Variants in LDLRAP1 observed in about 807,000 individuals in gnomAD.
The protein encoded by LDLRAP1 is low density lipoprotein receptor adapter protein 1.
Under a neutral mutation model 37.8 loss-of-function variants are expected in LDLRAP1, and 30 were observed. The ratio of observed to expected loss-of-function variants is 0.79; its 90% CI spans 0.59 to 1.08. The LOEUF (loss-of-function observed/expected upper bound fraction) is 1.08. Among genes scored for constraint, LDLRAP1 ranks in the 50% least tolerant of loss-of-function variants. LDLRAP1 has a pLI of 0.00. For synonymous variants in LDLRAP1, 156 were observed against 169.8 expected (o/e 0.92, Z 0.63); for missense variants, 375 against 401.6 (o/e 0.93, Z 0.57).
chr1:25,569,434 G>A (rs1451454162), downstream of LDLRAP1, among the ~76,000 whole-genome samples: 1 of 152,126 alleles, frequency 6.6e-6, no homozygotes, highest in Non-Finnish European at 1.5e-5. Flanking sequence ...TGTCTTGAGA[G>A]ACTCAGGGTC....
At chr1:25,569,068 G>C (rs918144330), downstream of LDLRAP1, among the ~76,000 whole-genome samples, 6 of 152,116 alleles carry the variant, frequency 3.9e-5, no homozygotes, top group African/African-American at 1.4e-4. Flanking sequence ...TCACCCAGCA[G>C]CTGGGTGTGT....
intron 1 of LDLRAP1, among the ~76,000 whole-genome samples, chr1:25,546,832 A>ATT (rs112728847): frequency 0.21 from 32,524 of 151,386 alleles, 8,417 homozygotes; most frequent in African/African-American, 0.62. Context: ...TTTTTTTGTG[A>ATT]TTTTTTTTTA....
chr1:25,563,979 C>T, intron 7 of LDLRAP1, 188 bp downstream of exon 7: 1 of 715,654 alleles, frequency 1.4e-6, no homozygotes, highest in Admixed American at 2.2e-5. Flanking sequence ...GAGGCTGCAT[C>T]CCCAACAGGC....
At chr1:25,587,647 G>T in the LDLRAP1 span, among the ~76,000 whole-genome samples, 1 of 152,346 alleles carries the variant, frequency 6.6e-6, no homozygotes, top group African/African-American at 2.4e-5. Context: ...TCACCGAGCG[G>T]AGCTGTGGAA....
chr1:25,575,449 G>A, the LDLRAP1 span, among the ~76,000 whole-genome samples: 1 of 125,664 alleles, frequency 8.0e-6, no homozygotes, highest in African/African-American at 3.1e-5. Context: ...AAAAAAACCA[G>A]CTGTGCATGG....
At chr1:25,563,987 G>C in intron 7 of LDLRAP1, 196 bp downstream of exon 7, 1 of 691,656 alleles carries the variant, frequency 1.4e-6, no homozygotes, top group South Asian at 1.7e-5. Flanking sequence ...ATCCCCAACA[G>C]GCTTGGCTCC....
At position 25,555,366 on chromosome 1, in the gene LDLRAP1, C is replaced by A. The variant is rs1184220210; in HGVS notation, c.344+394C>A. Among the ~76,000 whole-genome samples, 1 of 152,206 alleles carries A rather than the reference C, an allele frequency of 6.6e-6. No homozygotes were observed. The highest frequency in any genetic ancestry group is 1.9e-4 in the East Asian group (1 of 5,196). ...GCTCAGCTCTGGGTATCTGGCCAGACATTCCAGGGAGGCCTCAGCCAAGGT... is the reference window on the plus strand; with the variant it reads ...GCTCAGCTCTGGGTATCTGGCCAGAAATTCCAGGGAGGCCTCAGCCAAGGT... On this transcript the variant is annotated intron_variant, in intron 3 of 8. Coordinates refer to ENST00000374338, the MANE Select transcript of LDLRAP1 (RefSeq NM_015627.3). This position sits in a 1 kb window ranked among gnomAD's most constrained non-coding sequence, Gnocchi z 4.7.
intron 1 of LDLRAP1, among the ~76,000 whole-genome samples, chr1:25,552,396 C>G (rs1465808128): frequency 1.3e-5 from 2 of 152,206 alleles, no homozygotes; most frequent in African/African-American, 4.8e-5. Context: ...CATCTCCCAG[C>G]CCCTCCCTGG....
chr1:25,566,704 T>G, intron 8 of LDLRAP1, 144 bp from the exon 9 acceptor site: 1 of 972,178 alleles, frequency 1.0e-6, no homozygotes, highest in Admixed American at 2.1e-5. Flanking sequence ...TGCTTTGATC[T>G]GAGGTTACTC....
At chr1:25,584,072 C>T in the LDLRAP1 span, among the ~76,000 whole-genome samples, 2 of 152,148 alleles carry the variant, frequency 1.3e-5, no homozygotes, top group Non-Finnish European at 2.9e-5. Context: ...AGACCGTGCT[C>T]CTGTCTGTGG....
Position 25,548,299 on chromosome 1 carries a change from C to T in LDLRAP1, c.88+4513C>T, listed in dbSNP as rs182222383. Among the ~76,000 whole-genome samples the T allele has an allele frequency of 1.7e-4, 25 of 147,760 alleles. No individual in the cohort carries two copies. The East Asian group carries it at 5.1e-3, about 30-fold the overall frequency. On this transcript the variant is annotated intron_variant, in intron 1 of 8. Coordinates refer to ENST00000374338, the MANE Select transcript of LDLRAP1 (RefSeq NM_015627.3). ...TCTAAGCTCACCTCGGGTGTGAACT[C>T]AGTTCATCCTCAAGACAACCCCATG...
intron 1 of LDLRAP1, among the ~76,000 whole-genome samples, chr1:25,546,821 G>T (rs933256806): frequency 7.4e-6 from 1 of 135,624 alleles, no homozygotes; most frequent in African/African-American, 3.9e-5. Flanking sequence ...TTTCTTATGG[G>T]TTTTTTTGTG....
chr1:25,565,985 C>T (rs2044468695), intron 8 of LDLRAP1, among the ~76,000 whole-genome samples: 1 of 152,256 alleles, frequency 6.6e-6, no homozygotes, highest in South Asian at 2.1e-4. Flanking sequence ...CTCCTTCTTG[C>T]CAGGGACTAG....
chr1:25,562,243 C>G (rs1303568743), intron 4 of LDLRAP1, among the ~76,000 whole-genome samples: 1 of 152,166 alleles, frequency 6.6e-6, no homozygotes, highest in Admixed American at 6.5e-5. Flanking sequence ...AGGGCTAAGT[C>G]CACAGGTAAT....
In LDLRAP1 at chr1:25,554,865, G is replaced by T. The variant is rs1167316468; in HGVS notation, c.237G>T (p.Lys79Asn). Residue 79 changes from lysine to asparagine, a missense_variant, in exon 3 of 9, where the codon AAG (lysine) becomes AAT (asparagine). Coordinates refer to ENST00000374338, the MANE Select transcript of LDLRAP1 (RefSeq NM_015627.3). The surrounding 1 kb of genome is among the most constrained non-coding windows in gnomAD (Gnocchi z 5.4). ...GACTCCTGTCTGCTCCCAAGGCTAAGGCCAGTGGGAAGAAGCTGCAGAAGG... is the reference window on the plus strand; with the variant it reads ...GACTCCTGTCTGCTCCCAAGGCTAATGCCAGTGGGAAGAAGCTGCAGAAGG... ...AAIKRIVATAKASGKKLQKVT... is the reference protein window; with the variant it reads ...AAIKRIVATANASGKKLQKVT... 8 of 1,613,460 alleles carry T rather than the reference G, an allele frequency of 5.0e-6. No individual in the cohort carries two copies. The highest frequency in any genetic ancestry group is 1.7e-5 in the Admixed American group (1 of 59,986).
chr1:25,576,956 T>C, the LDLRAP1 span, among the ~76,000 whole-genome samples: 105,599 of 152,026 alleles, frequency 0.69, 38,061 homozygotes, highest in Non-Finnish European at 0.81. Flanking sequence ...TTCAGGCCTG[T>C]ACCTGCTGTC....
intron 1 of LDLRAP1, among the ~76,000 whole-genome samples, chr1:25,545,909 T>C (rs1311729053): frequency 3.9e-5 from 6 of 152,218 alleles, no homozygotes; most frequent in Non-Finnish European, 8.8e-5. Context: ...TTGACTCCTG[T>C]GAGGTGACAG....
intron 1 of LDLRAP1, among the ~76,000 whole-genome samples, chr1:25,551,547 G>T (rs1055169676): frequency 2.0e-5 from 3 of 152,186 alleles, no homozygotes; most frequent in Non-Finnish European, 4.4e-5. Context: ...ATATGAAAGC[G>T]CTGTTTTTCC....
intron 4 of LDLRAP1, among the ~76,000 whole-genome samples, chr1:25,558,413 A>G (rs900691321): frequency 6.6e-6 from 1 of 152,236 alleles, no homozygotes; most frequent in Non-Finnish European, 1.5e-5. Flanking sequence ...GTAACAAATG[A>G]TCGCAAATTT....
Sources: allele counts gnomAD v4.1 joint callset (sites outside exome capture counted in the v4.1 genomes callset), GRCh38; gene constraint gnomAD v4.1.1; non-coding constraint Gnocchi (gnomAD v3.1); transcripts MANE v1.5; gene names NCBI Gene and HGNC (gene_info 2026-07-23, HGNC 2026-07-21).